PDE4B: variants seen among roughly 807,000 people sequenced by gnomAD.
PDE4B encodes the protein phosphodiesterase 4B.
PDE4B carries 20 observed loss-of-function variants against 82.2 expected under a neutral mutation model. The observed-to-expected ratio is 0.24, with a 90% CI of 0.17 to 0.35. The LOEUF (loss-of-function observed/expected upper bound fraction) is 0.35, where lower values mean the gene tolerates loss of function less well. Ranked by LOEUF, PDE4B falls within the 10% of genes least tolerant of loss-of-function variation. The pLI is 1.00. For synonymous variants in PDE4B, 320 were observed against 318.9 expected (o/e 1.00, Z -0.04); for missense variants, 655 against 907.2 (o/e 0.72, Z 3.57).
At chr1:66,259,302 C>G (rs139908359) in intron 6 of PDE4B, among the ~76,000 whole-genome samples, 1 of 152,120 alleles carries the variant, frequency 6.6e-6, no homozygotes, top group African/African-American at 2.4e-5. Flanking sequence ...GCAGACAAGT[C>G]CTCTCCTCTT....
At position 65,959,986 on chromosome 1, in the gene PDE4B, C is replaced by T. The variant is rs189131877; in HGVS notation, c.281+41151C>T. Reference sequence around the variant, plus strand: ...TGAGCCTCCTAAACTGCAGGGATTACGGGCATGAGCCACGTGCCTGGCTCA... The same window carrying T: ...TGAGCCTCCTAAACTGCAGGGATTATGGGCATGAGCCACGTGCCTGGCTCA... On this transcript the variant is annotated intron_variant, in intron 3 of 16. Transcript: ENST00000341517. Among the ~76,000 whole-genome samples, 114 of 152,178 alleles carry T rather than the reference C, an allele frequency of 7.5e-4. 1 individual carries two copies. Among genetic ancestry groups the T allele is most frequent in the Middle Eastern group, 6.8e-3 (2 of 294 alleles).
chr1:66,127,056 T>G (rs183606542), intron 3 of PDE4B, among the ~76,000 whole-genome samples: 1 of 152,234 alleles, frequency 6.6e-6, no homozygotes, highest in East Asian at 1.9e-4. Flanking sequence ...CTAAATGGAA[T>G]ATGAGATACT....
intron 7 of PDE4B, among the ~76,000 whole-genome samples, chr1:66,313,696 A>T (rs1658827386): frequency 6.6e-6 from 1 of 152,198 alleles, no homozygotes. Flanking sequence ...GGCAACTGGG[A>T]ACTGAGGAAA....
chr1:65,804,874 T>A (rs1246378164), intron 1 of PDE4B, among the ~76,000 whole-genome samples: 2 of 150,294 alleles, frequency 1.3e-5, no homozygotes. Context: ...TGCTTATTTT[T>A]AAAAATTCCT....
At chr1:66,361,888 C>T in intron 10 of PDE4B, 95 bp downstream of exon 10, 4 of 996,868 alleles carry the variant, frequency 4.0e-6, no homozygotes, top group Non-Finnish European at 5.8e-6. Flanking sequence ...ATTGCTTTTG[C>T]ATTATTATTA....
At chr1:66,109,836 C>T (rs1179075869) in intron 3 of PDE4B, among the ~76,000 whole-genome samples, 1 of 151,872 alleles carries the variant, frequency 6.6e-6, no homozygotes, top group Non-Finnish European at 1.5e-5. Context: ...TTTCAACCCT[C>T]ACCCTTTTCC....
intron 7 of PDE4B, among the ~76,000 whole-genome samples, chr1:66,277,926 G>A (rs1396611737): frequency 1.3e-5 from 2 of 152,150 alleles, no homozygotes; most frequent in African/African-American, 4.8e-5. Flanking sequence ...ACATCCCTGG[G>A]TCTTGATTTT....
intron 1 of PDE4B, among the ~76,000 whole-genome samples, chr1:65,868,338 A>G (rs1309895546): frequency 6.6e-6 from 1 of 152,196 alleles, no homozygotes; most frequent in Non-Finnish European, 1.5e-5. Flanking sequence ...AGAGACTGCT[A>G]AAGACTAGTA....
At chr1:65,921,076 C>T (rs1296716479) in intron 3 of PDE4B, among the ~76,000 whole-genome samples, 1 of 141,176 alleles carries the variant, frequency 7.1e-6, no homozygotes, top group Non-Finnish European at 1.5e-5. Flanking sequence ...TCACGCCATT[C>T]TCCTGCCTCA....
At chr1:66,006,237 C>T (rs951825064) in intron 3 of PDE4B, among the ~76,000 whole-genome samples, 7 of 152,084 alleles carry the variant, frequency 4.6e-5, no homozygotes, top group Non-Finnish European at 8.8e-5. Context: ...AGTCCTTTGT[C>T]AATGGATAAA....
At chr1:66,106,232 G>T (rs1330420231) in intron 3 of PDE4B, among the ~76,000 whole-genome samples, 2 of 151,802 alleles carry the variant, frequency 1.3e-5, no homozygotes, top group Non-Finnish European at 2.9e-5. Context: ...TTATATGCTG[G>T]ATTACATTTA....
At chr1:65,984,836 ATG>A (rs1557477077) in intron 3 of PDE4B, among the ~76,000 whole-genome samples, 1 of 152,116 alleles carries the variant, frequency 6.6e-6, no homozygotes, top group African/African-American at 2.4e-5. Context: ...TACATATCAA[ATG>A]TCTCAAGCCT....
intron 3 of PDE4B, among the ~76,000 whole-genome samples, chr1:66,245,551 T>G (rs919251010): frequency 6.6e-6 from 1 of 152,202 alleles, no homozygotes; most frequent in Non-Finnish European, 1.5e-5. Context: ...AGTCGCTTTA[T>G]TATATTTTTG....
chr1:66,216,278 A>T (rs1650451577), intron 3 of PDE4B, among the ~76,000 whole-genome samples: 1 of 151,836 alleles, frequency 6.6e-6, no homozygotes. Flanking sequence ...TAAGTAAAGC[A>T]GTTTGCCCTC....
intron 8 of PDE4B, among the ~76,000 whole-genome samples, chr1:66,344,569 A>G (rs916548768): frequency 3.9e-5 from 6 of 152,160 alleles, no homozygotes; most frequent in African/African-American, 1.4e-4. Flanking sequence ...GCTTTTCAAG[A>G]CTCTTTAGGG....
chr1:66,345,883 A>G (rs1661358493), intron 8 of PDE4B, among the ~76,000 whole-genome samples: 1 of 152,226 alleles, frequency 6.6e-6, no homozygotes. Flanking sequence ...ATAACAAAGA[A>G]CAAAGTTGTC....
At chr1:66,186,701 T>C (rs1426526009) in intron 3 of PDE4B, among the ~76,000 whole-genome samples, 2 of 152,234 alleles carry the variant, frequency 1.3e-5, no homozygotes, top group East Asian at 1.9e-4. Context: ...CAGACTTTGC[T>C]GAAGTTGCCT....
At chr1:65,882,338 A>G (rs965518635) in intron 1 of PDE4B, among the ~76,000 whole-genome samples, 1 of 152,218 alleles carries the variant, frequency 6.6e-6, no homozygotes. Context: ...ACTAGGTTTC[A>G]GAAACATGTT....
intron 3 of PDE4B, among the ~76,000 whole-genome samples, chr1:66,060,090 A>G (rs991089086): frequency 6.6e-6 from 1 of 152,214 alleles, no homozygotes; most frequent in African/African-American, 2.4e-5. Context: ...ATAGCATAGC[A>G]TGCCCCCTGA....
Sources: allele counts gnomAD v4.1 joint callset (sites outside exome capture counted in the v4.1 genomes callset), GRCh38; gene constraint gnomAD v4.1.1; transcripts MANE v1.5; gene names NCBI Gene and HGNC (gene_info 2026-07-23, HGNC 2026-07-21).